The following EYS variants were observed in gnomAD, a reference collection of about 807,000 sequenced individuals.
The protein encoded by EYS is EGF-like photoreceptor maintenance factor.
EYS carries 250 observed loss-of-function variants against 282.1 expected under a neutral mutation model. The observed-to-expected ratio is 0.89, with a 90% confidence interval of 0.80 to 0.98. EYS has a LOEUF of 0.98. Among genes scored for constraint, EYS ranks in the 50% least tolerant of loss-of-function variants. The pLI, the probability that EYS is intolerant of heterozygous loss-of-function variation, is 0.00. For missense variants in EYS, 4,016 were observed against 3,709.0 expected (o/e 1.08, Z -2.15); for synonymous variants, 1,355 against 1,282.9 (o/e 1.06, Z -1.20).
chr6:63,800,689 C>T (rs1481291982), intron 37 of EYS, among the ~76,000 whole-genome samples: 1 of 152,150 alleles, frequency 6.6e-6, no homozygotes, highest in East Asian at 1.9e-4. Flanking sequence ...CCTGTAATCC[C>T]AGCTACTCAG....
At chr6:65,180,140 G>T (rs577864044) in intron 12 of EYS, among the ~76,000 whole-genome samples, 16 of 151,854 alleles carry the variant, frequency 1.1e-4, no homozygotes, top group Non-Finnish European at 1.3e-4. Flanking sequence ...CTTTGAAAAC[G>T]GGCACAAGAC....
chr6:65,294,209 G>A (rs1031441926), intron 12 of EYS, among the ~76,000 whole-genome samples: 1 of 151,820 alleles, frequency 6.6e-6, no homozygotes, highest in African/African-American at 2.4e-5. Flanking sequence ...GCCCCCAAAA[G>A]ATTCCACTTT....
chr6:64,242,917 A>G (rs554628613), intron 30 of EYS, among the ~76,000 whole-genome samples: 38 of 146,932 alleles, frequency 2.6e-4, no homozygotes, highest in African/African-American at 6.9e-4. Flanking sequence ...TATAGTATTC[A>G]TATATCATAC....
intron 21 of EYS, among the ~76,000 whole-genome samples, chr6:64,817,875 T>C (rs1764785600): frequency 6.6e-6 from 1 of 152,278 alleles, no homozygotes; most frequent in Non-Finnish European, 1.5e-5. Flanking sequence ...TGATTCCATG[T>C]CTTTGCTATT....
chr6:64,720,040 G>A (rs969192522), intron 22 of EYS, among the ~76,000 whole-genome samples: 6 of 152,272 alleles, frequency 3.9e-5, no homozygotes, highest in African/African-American at 1.2e-4. Flanking sequence ...CAAATGTATT[G>A]TCTCCCAGTT....
intron 12 of EYS, among the ~76,000 whole-genome samples, chr6:65,121,189 C>A (rs1273445763): frequency 6.6e-6 from 1 of 152,140 alleles, no homozygotes; most frequent in Non-Finnish European, 1.5e-5. Context: ...CAATTCGTTT[C>A]ATGTGAATCT....
chr6:63,790,385 G>A (rs1032561006), intron 37 of EYS, among the ~76,000 whole-genome samples: 9 of 152,302 alleles, frequency 5.9e-5, no homozygotes, highest in South Asian at 2.1e-4. Flanking sequence ...ATACTTGAAC[G>A]CTGCCTCTGC....
intron 5 of EYS, among the ~76,000 whole-genome samples, chr6:65,415,155 T>C (rs957710441): frequency 5.9e-5 from 9 of 152,108 alleles, no homozygotes; most frequent in Non-Finnish European, 1.2e-4. Flanking sequence ...TTCTATGGTA[T>C]AGTGGGGATA....
intron 22 of EYS, among the ~76,000 whole-genome samples, chr6:64,715,689 T>G (rs1279186715): frequency 6.6e-6 from 1 of 152,174 alleles, no homozygotes; most frequent in Admixed American, 6.6e-5. Flanking sequence ...TCAGTCTCTT[T>G]CAAAATCTCT....
chr6:63,942,322 C>T (rs1224537272), intron 35 of EYS, among the ~76,000 whole-genome samples: 2 of 152,062 alleles, frequency 1.3e-5, no homozygotes, highest in Non-Finnish European at 2.9e-5. Context: ...CATGACTTCA[C>T]AAGATTTATG....
At chr6:65,202,691 TG>T (rs1765932234) in intron 12 of EYS, among the ~76,000 whole-genome samples, 1 of 152,178 alleles carries the variant, frequency 6.6e-6, no homozygotes, top group Non-Finnish European at 1.5e-5. Flanking sequence ...GCCTGACAGC[TG>T]TGGTTTCTGC....
intron 24 of EYS, among the ~76,000 whole-genome samples, chr6:64,598,863 G>T (rs1175109944): frequency 6.6e-6 from 1 of 152,196 alleles, no homozygotes; most frequent in African/African-American, 2.4e-5. Flanking sequence ...AGGAAAAACA[G>T]CAAGGGCTGT....
chr6:64,940,940 A>T (rs1769068267), intron 15 of EYS, among the ~76,000 whole-genome samples: 1 of 152,156 alleles, frequency 6.6e-6, no homozygotes. Flanking sequence ...AAATAATTTT[A>T]ACATTTTCCT....
At chr6:64,597,755 T>C (rs771731044) in intron 24 of EYS, among the ~76,000 whole-genome samples, 4 of 152,066 alleles carry the variant, frequency 2.6e-5, no homozygotes, top group Non-Finnish European at 5.9e-5. Flanking sequence ...TTACTTGTGG[T>C]TACAATGTCT....
chr6:64,989,040 A>G (rs1180509011), intron 14 of EYS, among the ~76,000 whole-genome samples: 1 of 151,458 alleles, frequency 6.6e-6, no homozygotes, highest in East Asian at 1.9e-4. Flanking sequence ...AATGCCTTGT[A>G]TGGGACAGGC....
At chr6:63,969,367 C>T (rs1032083746) in intron 35 of EYS, among the ~76,000 whole-genome samples, 13 of 152,106 alleles carry the variant, frequency 8.5e-5, no homozygotes, top group East Asian at 1.9e-4. Flanking sequence ...ATTCCTAACC[C>T]GGCTTTTATG....
chr6:64,353,633 G>T (rs531875915), intron 29 of EYS, among the ~76,000 whole-genome samples: 3 of 151,692 alleles, frequency 2.0e-5, no homozygotes, highest in Admixed American at 2.0e-4. Context: ...ACTATTCCTG[G>T]GAGAGGAAGC....
intron 28 of EYS, among the ~76,000 whole-genome samples, chr6:64,421,875 G>A (rs1774247434): frequency 6.6e-6 from 1 of 151,096 alleles, no homozygotes; most frequent in South Asian, 2.1e-4. Context: ...GTGTGTGTGT[G>A]TGTGTGTGTG....
At chr6:63,822,167 G>A (rs1028261188) in intron 36 of EYS, 10 of 152,258 alleles carry the variant, frequency 6.6e-5, no homozygotes, top group African/African-American at 2.4e-4. Flanking sequence ...AGGCTGGAGT[G>A]CAGTGGTGTG....
Sources: allele counts gnomAD v4.1 joint callset (sites outside exome capture counted in the v4.1 genomes callset), GRCh38; gene constraint gnomAD v4.1.1; transcripts MANE v1.5; gene names NCBI Gene and HGNC (gene_info 2026-07-23, HGNC 2026-07-21).